PTPRN2: variants seen among roughly 807,000 people sequenced by gnomAD.
PTPRN2 encodes the protein protein tyrosine phosphatase receptor type N2, also known as receptor-type tyrosine-protein phosphatase N2.
PTPRN2 carries 74 observed loss-of-function variants against 118.8 expected under a neutral mutation model. The observed-to-expected ratio is 0.62, with a 90% CI of 0.52 to 0.76. The LOEUF (loss-of-function observed/expected upper bound fraction) is 0.76. Ranked by LOEUF, PTPRN2 falls within the 30% of genes least tolerant of loss-of-function variation. PTPRN2 has a pLI of 0.00. For missense variants in PTPRN2, 1,481 were observed against 1,394.4 expected (o/e 1.06, Z -0.99); for synonymous variants, 641 against 608.0 (o/e 1.05, Z -0.80).
At chr7:158,567,104 A>G (rs1165931389) in intron 1 of PTPRN2, among the ~76,000 whole-genome samples, 2 of 152,220 alleles carry the variant, frequency 1.3e-5, no homozygotes, top group African/African-American at 4.8e-5. Flanking sequence ...TCTGAAGGGG[A>G]GGAAGGTAAG....
intron 11 of PTPRN2, among the ~76,000 whole-genome samples, chr7:158,026,289 G>C (rs2128879193): frequency 6.6e-6 from 1 of 152,336 alleles, no homozygotes; most frequent in East Asian, 1.9e-4. Context: ...AGGGATGATG[G>C]AAGGTATTTG....
chr7:157,747,183 G>C (rs867386303), intron 12 of PTPRN2, among the ~76,000 whole-genome samples: 660 of 62,300 alleles, frequency 0.011, 16 homozygotes, highest in African/African-American at 0.034. Flanking sequence ...GAGCTGTGGG[G>C]TGTGCGGGTG....
At chr7:158,561,823 C>A (rs1827405689) in intron 1 of PTPRN2, among the ~76,000 whole-genome samples, 1 of 152,164 alleles carries the variant, frequency 6.6e-6, no homozygotes, top group South Asian at 2.1e-4. Flanking sequence ...GACCGTGCCA[C>A]CCCCCACAGT....
rs113960723 is a variant in PTPRN2, at chr7:158,260,698, C to T, written c.278-55425G>A. Among the ~76,000 whole-genome samples, 1,463 of 152,296 alleles carry T rather than the reference C, an allele frequency of 9.6e-3. 7 individuals carry two copies. Among genetic ancestry groups the T allele is most frequent in the Non-Finnish European group, 0.016 (1,121 of 68,022 alleles). On this transcript the variant is annotated intron_variant, in intron 3 of 22. Coordinates refer to ENST00000389418, the MANE Select transcript of PTPRN2 (RefSeq NM_002847.5). ...AAACTGGCTGTTGCCACTAGCGCTCCGTGGGGCTGAAGATGGCAAGACCCC... is the reference window on the plus strand; with the variant it reads ...AAACTGGCTGTTGCCACTAGCGCTCTGTGGGGCTGAAGATGGCAAGACCCC...
chr7:158,314,184 C>T (rs77238577), intron 3 of PTPRN2, among the ~76,000 whole-genome samples: 4 of 152,264 alleles, frequency 2.6e-5, no homozygotes, highest in South Asian at 2.1e-4. Flanking sequence ...GCTGAAATTA[C>T]GCTCAGGGGA....
At position 158,465,964 on chromosome 7, in the gene PTPRN2, C is replaced by T. The variant is rs563965207; in HGVS notation, c.163+23771G>A. On this transcript the variant is annotated intron_variant, in intron 2 of 22. Coordinates refer to ENST00000389418, the MANE Select transcript of PTPRN2 (RefSeq NM_002847.5). Reference sequence around the variant, plus strand: ...GCCTTGAACCCAGATCCCTGCCTCACGCCTCACACACCCCACTTCCTGTTG... The same window carrying T: ...GCCTTGAACCCAGATCCCTGCCTCATGCCTCACACACCCCACTTCCTGTTG... Among the ~76,000 whole-genome samples, 30 of 152,356 alleles carry T rather than the reference C, an allele frequency of 2.0e-4. 1 individual carries two copies. In the South Asian group the frequency reaches 4.6e-3, roughly 23 times the overall value.
At chr7:158,406,298 C>T (rs1248477757) in intron 2 of PTPRN2, among the ~76,000 whole-genome samples, 2 of 123,046 alleles carry the variant, frequency 1.6e-5, no homozygotes, top group Non-Finnish European at 3.4e-5. Context: ...GTGGCTCATC[C>T]GTGAGACATT....
At chr7:157,970,638 C>T (rs1051252480) in intron 11 of PTPRN2, among the ~76,000 whole-genome samples, 1 of 143,498 alleles carries the variant, frequency 7.0e-6, no homozygotes, top group Non-Finnish European at 1.5e-5. Flanking sequence ...CAGAGCGGAC[C>T]CCCCCCCCCA....
intron 12 of PTPRN2, among the ~76,000 whole-genome samples, chr7:157,694,351 G>C (rs1163674573): frequency 6.6e-6 from 1 of 152,156 alleles, no homozygotes; most frequent in African/African-American, 2.4e-5. Flanking sequence ...GTGCACCTGC[G>C]GCAATATATT....
At position 158,413,517 on chromosome 7, in the gene PTPRN2, A is replaced by G. The variant is rs146188251; in HGVS notation, c.163+76218T>C. ...TGTCCACTCTGGGCCTGTGACTAAC[A>G]CAGATGAGGATCTCTTGTCCTTAAC... On this transcript the variant is annotated intron_variant, in intron 2 of 22. Coordinates refer to ENST00000389418, the MANE Select transcript of PTPRN2 (RefSeq NM_002847.5). Among the ~76,000 whole-genome samples the G allele has an allele frequency of 5.3e-3, 815 of 152,338 alleles. 9 individuals are homozygous for G. The highest frequency in any genetic ancestry group is 0.019 in the African/African-American group (774 of 41,576).
chr7:157,797,042 C>T (rs1039871781), intron 12 of PTPRN2, among the ~76,000 whole-genome samples: 27 of 152,336 alleles, frequency 1.8e-4, no homozygotes, highest in African/African-American at 5.5e-4. Context: ...GAGAATCACA[C>T]GGGAGGGGCC....
At chr7:158,333,579 CGG>C (rs2151173987) in intron 2 of PTPRN2, among the ~76,000 whole-genome samples, 1 of 151,134 alleles carries the variant, frequency 6.6e-6, no homozygotes, top group East Asian at 2.0e-4. Flanking sequence ...GAGCTGATGC[CGG>C]CACACGTCAC....
At chr7:158,567,947 C>T (rs1827759149) in intron 1 of PTPRN2, among the ~76,000 whole-genome samples, 1 of 152,190 alleles carries the variant, frequency 6.6e-6, no homozygotes, top group Admixed American at 6.5e-5. Context: ...AGACTCTTAT[C>T]TTTCCTTTAT....
At chr7:157,692,849 C>T (rs1797578321) in intron 12 of PTPRN2, among the ~76,000 whole-genome samples, 2 of 152,134 alleles carry the variant, frequency 1.3e-5, no homozygotes, top group Admixed American at 6.5e-5. Context: ...CGCACCCTGG[C>T]TCGGGGGCGG....
chr7:157,655,573 G>GT lies in PTPRN2; in HGVS notation c.2196+783dup, dbSNP rs150674458. On this transcript the variant is annotated intron_variant, in intron 14 of 22. Coordinates refer to ENST00000389418, the MANE Select transcript of PTPRN2 (RefSeq NM_002847.5). ...ACGGCGAAGAATGTTTCCCTGACCC[G>GT]TAAGTGCAGCCGCTGCTTCGGCCAA... 9.2e-4 allele frequency among the ~76,000 whole-genome samples: 140 copies of GT among 152,296 alleles called. 3 individuals are homozygous for GT. Among genetic ancestry groups the GT allele is most frequent in the African/African-American group, 3.2e-3 (134 of 41,566 alleles).
chr7:158,556,646 A>G (rs1295279226), intron 1 of PTPRN2, among the ~76,000 whole-genome samples: 1 of 152,190 alleles, frequency 6.6e-6, no homozygotes, highest in Non-Finnish European at 1.5e-5. Flanking sequence ...TAGGTAGAGG[A>G]TAGACAGAAC....
chr7:157,633,733 G>A (rs1190560017), intron 14 of PTPRN2, among the ~76,000 whole-genome samples: 4 of 152,230 alleles, frequency 2.6e-5, no homozygotes, highest in Admixed American at 6.5e-5. Context: ...GCAGGAGGGC[G>A]TGGCCACTCC....
chr7:158,519,727 A>G (rs1044094631), intron 1 of PTPRN2, among the ~76,000 whole-genome samples: 2 of 152,076 alleles, frequency 1.3e-5, no homozygotes, highest in Non-Finnish European at 2.9e-5. Flanking sequence ...GTTTCCCATC[A>G]TATAAGGACT....
intron 6 of PTPRN2, among the ~76,000 whole-genome samples, chr7:158,162,802 G>A (rs73173652): frequency 0.091 from 13,908 of 152,266 alleles, 665 homozygotes; most frequent in Non-Finnish European, 0.098. Flanking sequence ...TTTGTCATAT[G>A]CGTTCAGCCC....
Sources: gnomAD v4.1 joint callset for allele counts (sites outside exome capture counted in the v4.1 genomes callset) on GRCh38, gnomAD v4.1.1 for gene constraint, MANE v1.5 for transcripts, NCBI Gene and HGNC (gene_info 2026-07-23, HGNC 2026-07-21) for gene names.